PCDHA10: variants seen among roughly 807,000 people sequenced by gnomAD.
PCDHA10 encodes protocadherin alpha-10.
Under a neutral mutation model 61.2 loss-of-function variants are expected in PCDHA10, and 45 were observed. That is an observed-to-expected ratio of 0.74 (90% confidence interval 0.58 to 0.94). The LOEUF is 0.94. Among genes scored for constraint, PCDHA10 ranks in the 40% least tolerant of loss-of-function variants. PCDHA10 has a pLI of 0.00. For synonymous variants in PCDHA10, 602 were observed against 548.8 expected (o/e 1.10, Z -1.35); for missense variants, 1,278 against 1,236.2 (o/e 1.03, Z -0.51).
intron 1 of PCDHA10, among the ~76,000 whole-genome samples, chr5:140,920,617 G>A (rs569983611): frequency 9.7e-4 from 148 of 152,170 alleles, no homozygotes; most frequent in African/African-American, 2.6e-3. Context: ...AGGCCGAGGC[G>A]GATGGATCAC....
chr5:140,928,698 G>A, intron 1 of PCDHA10: 1 of 1,614,148 alleles, frequency 6.2e-7, no homozygotes, highest in East Asian at 2.2e-5. Context: ...ACATCTCCCG[G>A]GCGTCTGACT....
intron 1 of PCDHA10, among the ~76,000 whole-genome samples, chr5:140,901,961 C>T (rs62384485): frequency 2.0e-5 from 3 of 151,946 alleles, no homozygotes; most frequent in Non-Finnish European, 2.9e-5. Flanking sequence ...TCGTGGCTAT[C>T]GTAAATGGGA....
Position 140,855,923 on chromosome 5 carries a change from A to T in PCDHA10, c.-126A>T, listed in dbSNP as rs1424860955. On this transcript the variant is annotated 5_prime_UTR_variant, in exon 1 of 4. Coordinates refer to ENST00000307360, the MANE Select transcript of PCDHA10 (RefSeq NM_018901.4). Reference sequence around the variant, plus strand: ...GCCAGTTTCTCAAGGACTAGGAAGTAGCGTCATTCTGAGATCTCAGCCATT... The same window carrying T: ...GCCAGTTTCTCAAGGACTAGGAAGTTGCGTCATTCTGAGATCTCAGCCATT... 7.3e-6 allele frequency: 9 copies of T among 1,229,146 alleles called. No individual in the cohort carries two copies. In the South Asian group the frequency reaches 1.4e-4, roughly 19 times the overall value. 76.1% of individuals were successfully genotyped at this position (1,229,146 alleles called of 1,614,324 possible).
intron 1 of PCDHA10, among the ~76,000 whole-genome samples, chr5:140,913,296 T>A (rs538964015): frequency 2.1e-4 from 32 of 152,322 alleles, no homozygotes; most frequent in African/African-American, 7.0e-4. Flanking sequence ...TTTAATTTCT[T>A]CATAGATCAA....
chr5:140,858,120 T>A lies in PCDHA10; in HGVS notation c.2072T>A (p.Leu691Gln). Reference protein sequence around the residue: ...ASVGVAPEVALVDVNVYLIIA... With the variant: ...ASVGVAPEVAQVDVNVYLIIA... ...GTGGGCGTGGCGCCCGAGGTGGCCC[T>A]GGTGGATGTCAACGTGTACCTGATC... is the stretch of plus-strand genomic sequence containing the variant. Residue 691 changes from leucine (L) to glutamine (Q), a missense_variant, in exon 1 of 4, where the codon CTG (leucine) becomes CAG (glutamine). Coordinates refer to ENST00000307360, the MANE Select transcript of PCDHA10 (RefSeq NM_018901.4). The A allele has an allele frequency of 6.3e-7, 1 of 1,597,738 alleles. No individual in the cohort carries two copies. The highest frequency in any genetic ancestry group is 8.6e-7 in the Non-Finnish European group (1 of 1,167,600).
At chr5:140,881,791 T>C (rs1487248430) in intron 1 of PCDHA10, among the ~76,000 whole-genome samples, 9 of 152,204 alleles carry the variant, frequency 5.9e-5, no homozygotes, top group Admixed American at 5.9e-4. Context: ...CGATCAATTG[T>C]CCCAAAACGA....
chr5:140,887,788 G>A (rs1384145646), intron 1 of PCDHA10, among the ~76,000 whole-genome samples: 4 of 152,006 alleles, frequency 2.6e-5, no homozygotes, highest in Admixed American at 6.6e-5. Flanking sequence ...TCATTGAAGC[G>A]TTCTTTATTT....
chr5:140,932,032 A>G (rs2087965086), intron 1 of PCDHA10, among the ~76,000 whole-genome samples: 1 of 151,934 alleles, frequency 6.6e-6, no homozygotes, highest in African/African-American at 2.4e-5. Context: ...TTTACAGTAT[A>G]TATTAACATA....
chr5:140,876,954 G>T (rs1554169149), intron 1 of PCDHA10: 1 of 1,613,432 alleles, frequency 6.2e-7, no homozygotes, highest in Non-Finnish European at 8.5e-7. Context: ...CCTACTCGCT[G>T]GTGGAGCGGC....
At chr5:140,941,191 T>TCTTTC (rs1554213808) in intron 1 of PCDHA10, among the ~76,000 whole-genome samples, 2 of 93,206 alleles carry the variant, frequency 2.1e-5, no homozygotes, top group South Asian at 5.6e-4. Flanking sequence ...GCTTCTTTTT[T>TCTTTC]TTTCTTTCTT....
At chr5:140,999,426 A>G (rs1456581917) in intron 3 of PCDHA10, among the ~76,000 whole-genome samples, 2 of 152,204 alleles carry the variant, frequency 1.3e-5, no homozygotes, top group Middle Eastern at 3.2e-3. Context: ...TAAGAGGCCA[A>G]GTACCTTGCC....
At chr5:140,934,690 T>C (rs1263392505) in intron 1 of PCDHA10, among the ~76,000 whole-genome samples, 1 of 152,198 alleles carries the variant, frequency 6.6e-6, no homozygotes, top group Non-Finnish European at 1.5e-5. Flanking sequence ...AAACAATGAA[T>C]TGATTCCTGG....
intron 1 of PCDHA10, chr5:140,967,690 C>G (rs782694266): frequency 6.2e-7 from 1 of 1,614,190 alleles, no homozygotes; most frequent in Non-Finnish European, 8.5e-7. Flanking sequence ...GGCAGCTCTT[C>G]AGCATAGATG....
chr5:140,913,099 C>T (rs1413383908), intron 1 of PCDHA10, among the ~76,000 whole-genome samples: 4 of 152,132 alleles, frequency 2.6e-5, no homozygotes, highest in Non-Finnish European at 4.4e-5. Context: ...ATACTGGCCT[C>T]ATAGAATCAG....
At chr5:140,877,575 C>G (rs1244471489) in intron 1 of PCDHA10, 1 of 1,613,708 alleles carries the variant, frequency 6.2e-7, no homozygotes, top group East Asian at 2.2e-5. Context: ...TGTACCTCAT[C>G]ATCGCCATCT....
intron 1 of PCDHA10, among the ~76,000 whole-genome samples, chr5:140,947,597 G>A (rs1231530518): frequency 1.3e-5 from 2 of 151,586 alleles, no homozygotes; most frequent in African/African-American, 4.8e-5. Context: ...TCAATTTAGG[G>A]AAGATTTGGT....
chr5:141,009,992 C>G lies in PCDHA10; in HGVS notation c.*55C>G. 1 of 1,578,492 alleles carries G rather than the reference C, an allele frequency of 6.3e-7. No homozygotes were observed. On this transcript the variant is annotated 3_prime_UTR_variant, in exon 4 of 4. Transcript: ENST00000307360. ...CAGTTTTTGTAATAATGGCAAATCT[C>G]TCCCATGTAGCAATTCCCTGCTCCT...
Position 140,978,951 on chromosome 5 carries a change from A to G in PCDHA10, c.2391A>G (p.Pro797=). Residue 797 remains proline, a splice_region_variant and synonymous_variant, in exon 2 of 4, where the codon CCA becomes CCG. Coordinates refer to ENST00000307360, the MANE Select transcript of PCDHA10 (RefSeq NM_018901.4). ...QSIGGDHSRK[P]RQPNPDWRYS... ...AAACTCTCTTTGTGATTTTGCAGCC[A>G]CGACAGCCCAACCCTGACTGGCGTT... is the stretch of plus-strand genomic sequence containing the variant. 1.2e-6 allele frequency: 2 copies of G among 1,614,182 alleles called. No homozygotes were observed. The highest frequency in any genetic ancestry group is 1.7e-6 in the Non-Finnish European group (2 of 1,180,032).
chr5:140,923,306 C>T (rs572766829), intron 1 of PCDHA10, among the ~76,000 whole-genome samples: 1 of 152,098 alleles, frequency 6.6e-6, no homozygotes, highest in East Asian at 1.9e-4. Flanking sequence ...GGCGTGGGGG[C>T]GCTTGGCCTA....
Sources: allele counts gnomAD v4.1 joint callset (sites outside exome capture counted in the v4.1 genomes callset), GRCh38; gene constraint gnomAD v4.1.1; transcripts MANE v1.5; gene names NCBI Gene and HGNC (gene_info 2026-07-23, HGNC 2026-07-21).